Variants in MAP2K3 observed in about 807,000 individuals in gnomAD.
MAP2K3 encodes mitogen-activated protein kinase kinase 3.
A neutral mutation model predicts 46.4 loss-of-function variants in MAP2K3; 30 were observed. The observed-to-expected ratio is 0.65, with a 90% CI of 0.48 to 0.88. MAP2K3 has a LOEUF of 0.88. Ranked by LOEUF, MAP2K3 falls within the 40% of genes least tolerant of loss-of-function variation. MAP2K3 has a pLI of 0.00. For missense variants in MAP2K3, 380 were observed against 464.5 expected (o/e 0.82, Z 1.67); for synonymous variants, 189 against 176.3 (o/e 1.07, Z -0.57).
intron 7 of MAP2K3, 151 bp downstream of exon 7, chr17:21,303,385 G>A (rs944331812): frequency 1.8e-6 from 2 of 1,119,506 alleles, no homozygotes. Flanking sequence ...TCCACCTGCA[G>A]CCCTGCAGCT....
At chr17:21,287,909 G>C (rs1975764412) in intron 1 of MAP2K3, 1 of 612,630 alleles carries the variant, frequency 1.6e-6, no homozygotes, top group African/African-American at 1.9e-5. Flanking sequence ...TGCCTGCTGT[G>C]GCCACCCCCC....
intron 1 of MAP2K3, among the ~76,000 whole-genome samples, chr17:21,291,149 C>G (rs916466707): frequency 6.6e-6 from 1 of 152,278 alleles, no homozygotes; most frequent in Non-Finnish European, 1.5e-5. Context: ...GAGGCTGAGG[C>G]AGGAGAATGG....
chr17:21,288,691 A>G (rs921242942), intron 1 of MAP2K3, among the ~76,000 whole-genome samples: 1 of 151,916 alleles, frequency 6.6e-6, no homozygotes, highest in African/African-American at 2.4e-5. Context: ...CCTCATCTGC[A>G]GACTGAGAAT....
At chr17:21,298,351 G>C (rs764079816) in intron 1 of MAP2K3, 62 bp from the exon 2 acceptor site, 13 of 1,608,470 alleles carry the variant, frequency 8.1e-6, no homozygotes, top group Non-Finnish European at 1.1e-5. Context: ...ATGGCTCATG[G>C]GAGTGCAGGG....
intron 1 of MAP2K3, among the ~76,000 whole-genome samples, chr17:21,294,613 A>C (rs1326555759): frequency 6.6e-6 from 1 of 152,306 alleles, no homozygotes; most frequent in Non-Finnish European, 1.5e-5. Context: ...TGGCCTCTCT[A>C]AGTCACCTCT....
Position 21,302,139 on chromosome 17 carries a change from A to C in MAP2K3, c.400-4A>C. On this transcript the variant is annotated splice_region_variant and splice_polypyrimidine_tract_variant and intron_variant, in intron 5 of 11. Coordinates refer to ENST00000342679, the MANE Select transcript of MAP2K3 (RefSeq NM_145109.3). ...CCTGGCTGAGCTCTGGGTGTCACCCACAGGGAGACGTGTGGATCTGCATGG... is the reference window on the plus strand; with the variant it reads ...CCTGGCTGAGCTCTGGGTGTCACCCCCAGGGAGACGTGTGGATCTGCATGG... 6.2e-7 allele frequency: 1 copy of C among 1,614,144 alleles called. No individual in the cohort carries two copies. Among genetic ancestry groups the C allele is most frequent in the Admixed American group, 1.7e-5 (1 of 60,024 alleles).
intron 1 of MAP2K3, among the ~76,000 whole-genome samples, chr17:21,292,060 C>T (rs1975968845): frequency 1.3e-5 from 2 of 152,430 alleles, no homozygotes; most frequent in Non-Finnish European, 2.9e-5. Flanking sequence ...GGGCCTGACT[C>T]TGCTGCTGCC....
intron 1 of MAP2K3, chr17:21,296,301 T>G: frequency 1.2e-6 from 1 of 823,108 alleles, no homozygotes. Flanking sequence ...AGCTGGAGTT[T>G]ACCACGGCTG....
intron 1 of MAP2K3, among the ~76,000 whole-genome samples, chr17:21,290,390 G>A (rs548646425): frequency 6.4e-4 from 5 of 7,840 alleles, no homozygotes; most frequent in South Asian, 2.9e-3. Flanking sequence ...GCCTCCTGCC[G>A]TTGGCATGGC....
intron 5 of MAP2K3, 95 bp downstream of exon 5, chr17:21,301,088 C>G: frequency 6.3e-7 from 1 of 1,585,198 alleles, no homozygotes; most frequent in Non-Finnish European, 8.6e-7. Context: ...ACGCCAGGTG[C>G]TGGGGACACC....
At chr17:21,313,138 T>C (rs4081987) in intron 10 of MAP2K3, among the ~76,000 whole-genome samples, 5 of 152,176 alleles carry the variant, frequency 3.3e-5, no homozygotes, top group South Asian at 2.1e-4. Context: ...GTGGACTAAC[T>C]TCTCCCAGAA....
chr17:21,303,224 G>C lies in MAP2K3; in HGVS notation c.558G>C (p.Val186=), dbSNP rs150339018. 6.8e-5 allele frequency: 110 copies of C among 1,614,096 alleles called. No homozygotes were observed. The African/African-American group carries it at 1.4e-3, about 20-fold the overall frequency. Reference sequence around the variant, plus strand: ...AGCATCTGCACAGCAAGCTGTCGGTGATCCACAGAGGTCAGTGCCCGGCAG... The same window carrying C: ...AGCATCTGCACAGCAAGCTGTCGGTCATCCACAGAGGTCAGTGCCCGGCAG... The part of the protein sequence containing the change: ...ALEHLHSKLS[V]IHRDVKPSNV... The change falls in exon 7 of 12, where the codon GTG becomes GTC. Residue 186 remains valine, a synonymous_variant. Transcript: ENST00000342679.
At chr17:21,291,881 A>G (rs1975958498) in intron 1 of MAP2K3, among the ~76,000 whole-genome samples, 1 of 152,302 alleles carries the variant, frequency 6.6e-6, no homozygotes, top group Non-Finnish European at 1.5e-5. Context: ...ACCCTTGCTC[A>G]TCCTTTCCCA....
chr17:21,304,364 G>C (rs983553451), intron 7 of MAP2K3, 62 bp from the exon 8 acceptor site: 15 of 1,613,612 alleles, frequency 9.3e-6, no homozygotes, highest in East Asian at 8.9e-5. Flanking sequence ...GCTATGCAGA[G>C]CATGGCACCT....
Position 21,293,719 on chromosome 17 carries a change from C to T in MAP2K3, c.50-4694C>T, listed in dbSNP as rs532682011. On this transcript the variant is annotated intron_variant, in intron 1 of 11. Transcript: ENST00000342679. Reference sequence around the variant, plus strand: ...GGGCTGTGGAGGGCAGAGCCTTGGTCACTCCTCCTCACCCTAGCCTGCTGC... The same window carrying T: ...GGGCTGTGGAGGGCAGAGCCTTGGTTACTCCTCCTCACCCTAGCCTGCTGC... 2.6e-5 allele frequency among the ~76,000 whole-genome samples: 4 copies of T among 152,416 alleles called. No homozygotes were observed. The South Asian group carries it at 8.3e-4, about 32-fold the overall frequency.
intron 5 of MAP2K3, among the ~76,000 whole-genome samples, chr17:21,301,904 C>A (rs920039812): frequency 1.3e-5 from 2 of 152,310 alleles, no homozygotes; most frequent in African/African-American, 4.8e-5. Flanking sequence ...CCTGGAGACA[C>A]CTGGAATTAG....
intron 10 of MAP2K3, 73 bp from the exon 11 acceptor site, chr17:21,313,419 G>T: frequency 6.2e-6 from 8 of 1,290,462 alleles, no homozygotes; most frequent in Non-Finnish European, 8.9e-6. Flanking sequence ...CAATCCTGGG[G>T]TGGTTTGGCT....
chr17:21,314,335 A>G lies in MAP2K3; in HGVS notation c.*105A>G. ...AGCTACTGCCATCCTGGCCCAGGGC[A>G]TCTGGGAGGAACCGAGGGGGCTGCT... On this transcript the variant is annotated 3_prime_UTR_variant, in exon 12 of 12. Transcript: ENST00000342679. 1 of 1,057,540 alleles carries G rather than the reference A, an allele frequency of 9.5e-7. No homozygotes were observed. The highest frequency in any genetic ancestry group is 1.4e-6 in the Non-Finnish European group (1 of 689,850). The allele number at this position is 1,057,540 out of a possible 1,614,324, so 65.5% of individuals were successfully genotyped here. A position where few individuals can be genotyped will look rare whatever the true frequency, so the allele number is the denominator to read the frequency against.
rs371545792 is a variant in MAP2K3, at chr17:21,312,221, C to T, written c.854C>T (p.Pro285Leu). 4 of 1,604,276 alleles carry T rather than the reference C, an allele frequency of 2.5e-6. No individual in the cohort carries two copies. Among genetic ancestry groups the T allele is most frequent in the Non-Finnish European group, 3.4e-6 (4 of 1,176,672 alleles). ...FQQLKQVVEE[P>L]SPQLPADRFS... ...CAGCTGAAGCAGGTGGTGGAGGAGC[C>T]GTCCCCCCAGCTCCCAGCCGACCGT... is the stretch of plus-strand genomic sequence containing the variant. The change falls in exon 10 of 12, where the codon CCG becomes CTG. Residue 285 changes from proline (P) to leucine (L), a missense_variant. Transcript: ENST00000342679.
Sources: gnomAD v4.1 joint callset for allele counts (sites outside exome capture counted in the v4.1 genomes callset) on GRCh38, gnomAD v4.1.1 for gene constraint, MANE v1.5 for transcripts, NCBI Gene and HGNC (gene_info 2026-07-23, HGNC 2026-07-21) for gene names.